The following SHANK2 variants were observed in gnomAD, a reference collection of about 807,000 sequenced individuals.
SHANK2 encodes SH3 and multiple ankyrin repeat domains 2.
Under a neutral mutation model 133.7 loss-of-function variants are expected in SHANK2, and 43 were observed. The observed-to-expected ratio is 0.32, with a 90% CI of 0.25 to 0.41. The LOEUF (loss-of-function observed/expected upper bound fraction) is 0.41. Ranked by LOEUF, SHANK2 falls within the 10% of genes least tolerant of loss-of-function variation. SHANK2 has a pLI of 1.00. For synonymous variants in SHANK2, 1,017 were observed against 952.8 expected (o/e 1.07, Z -1.24); for missense variants, 1,994 against 2,235.8 (o/e 0.89, Z 2.18).
chr11:70,734,679 G>A (rs797033555), intron 14 of SHANK2, among the ~76,000 whole-genome samples: 20 of 152,348 alleles, frequency 1.3e-4, no homozygotes, highest in African/African-American at 4.6e-4. Context: ...TTTCAGCAGG[G>A]GCCCCACAGC....
Position 70,485,250 on chromosome 11 carries a change from CT to C in SHANK2, c.4979+63del, listed in dbSNP as rs2058784226. On this transcript the variant is annotated intron_variant, in intron 25 of 25. Coordinates refer to ENST00000601538, the MANE Select transcript of SHANK2 (RefSeq NM_012309.5). The surrounding 1 kb of genome is among the most constrained non-coding windows in gnomAD (Gnocchi z 5.8). ...TCCGCTGGGGCTGCTACCCGAGGGC[CT>C]TTCCTGGTCAGCAGGGACAGTGCAC... The C allele has an allele frequency of 6.9e-7, 1 of 1,451,114 alleles. No individual in the cohort carries two copies. The highest frequency in any genetic ancestry group is 1.4e-5 in the African/African-American group (1 of 71,776). 89.9% of individuals were successfully genotyped at this position (1,451,114 alleles called of 1,614,324 possible).
intron 1 of SHANK2, among the ~76,000 whole-genome samples, chr11:71,236,470 T>C (rs1954827246): frequency 6.6e-6 from 1 of 152,018 alleles, no homozygotes; most frequent in Non-Finnish European, 1.5e-5. Context: ...AAATTAGCCA[T>C]GTGTGGTGGC....
chr11:70,674,043 TGA>T (rs1944863409), intron 15 of SHANK2, among the ~76,000 whole-genome samples: 1 of 152,196 alleles, frequency 6.6e-6, no homozygotes, highest in South Asian at 2.1e-4. Context: ...CTCCCGGGGC[TGA>T]GAGAGTTCTT....
intron 11 of SHANK2, chr11:70,873,117 T>C (rs1217542575): frequency 8.5e-6 from 4 of 471,126 alleles, no homozygotes; most frequent in Admixed American, 4.7e-5. Context: ...CTGCAGTTTA[T>C]AGAATGATAT....
intron 14 of SHANK2, among the ~76,000 whole-genome samples, chr11:70,720,636 C>A (rs563024513): frequency 6.6e-6 from 1 of 152,334 alleles, no homozygotes; most frequent in Admixed American, 6.5e-5. Flanking sequence ...CTGTTCTTGG[C>A]CCAACACCAG....
intron 17 of SHANK2, among the ~76,000 whole-genome samples, chr11:70,539,436 G>A (rs1025060011): frequency 1.3e-5 from 2 of 151,680 alleles, no homozygotes; most frequent in South Asian, 4.2e-4. Context: ...ATCTGCGGGG[G>A]AAAGGTGCTG....
rs138743900 is a variant in SHANK2, at chr11:70,824,694, G to A, written c.1175-4012C>T. Among the ~76,000 whole-genome samples the A allele has an allele frequency of 2.9e-4, 44 of 152,190 alleles. No homozygotes were observed. In the East Asian group the frequency reaches 5.6e-3, roughly 19 times the overall value. ...CATGTTGGTGCCCTCCCTCTGGACC[G>A]GCAGAGACTAAAAAAAACCTTGTAG... On this transcript the variant is annotated intron_variant, in intron 11 of 25. Transcript: ENST00000601538.
At chr11:70,494,800 G>A (rs1460808724) in intron 21 of SHANK2, among the ~76,000 whole-genome samples, 1 of 152,112 alleles carries the variant, frequency 6.6e-6, no homozygotes. Flanking sequence ...ATAGTGTCCG[G>A]GCAGCCAAAT....
chr11:70,493,251 T>G (rs1176222386), intron 21 of SHANK2, among the ~76,000 whole-genome samples: 4 of 150,574 alleles, frequency 2.7e-5, no homozygotes, highest in Non-Finnish European at 5.9e-5. Flanking sequence ...CATGAGGATC[T>G]GCCACCCAAG....
At chr11:70,943,602 C>T (rs1027826611) in intron 10 of SHANK2, among the ~76,000 whole-genome samples, 1 of 152,138 alleles carries the variant, frequency 6.6e-6, no homozygotes, top group Admixed American at 6.5e-5. Context: ...AGGAGAAGAG[C>T]CTGGGCCAGA....
chr11:71,210,496 C>T (rs1178607972), intron 2 of SHANK2, among the ~76,000 whole-genome samples: 1 of 151,734 alleles, frequency 6.6e-6, no homozygotes, highest in African/African-American at 2.4e-5. Context: ...GCGATCCACC[C>T]ACCTCGGCCT....
chr11:70,489,806 A>G (rs1467621781), intron 23 of SHANK2: 2 of 276,208 alleles, frequency 7.2e-6, no homozygotes, highest in Non-Finnish European at 1.4e-5. Flanking sequence ...GTTTTCTGCA[A>G]CACACAGTAC....
In SHANK2 at chr11:70,576,286, C is replaced by T. The variant is rs549652721; in HGVS notation, c.2062-73355G>A. ...GAGCCCTCCTGCGAGGGACAGCAAG[C>T]GGCTGCGGCAGACCCCATGCACCTC... On this transcript the variant is annotated intron_variant, in intron 17 of 25. Transcript: ENST00000601538. Among the ~76,000 whole-genome samples the T allele has an allele frequency of 7.2e-5, 11 of 152,198 alleles. No homozygotes were observed. In the South Asian group the frequency reaches 1.2e-3, roughly 17 times the overall value.
chr11:71,095,616 C>T (rs112615308), intron 6 of SHANK2, among the ~76,000 whole-genome samples: 1,718 of 152,344 alleles, frequency 0.011, 12 homozygotes, highest in Non-Finnish European at 0.019. Context: ...TTTCACAAGG[C>T]GTGTGTCTTG....
At chr11:70,637,137 G>C (rs1347702692) in intron 17 of SHANK2, among the ~76,000 whole-genome samples, 6 of 152,132 alleles carry the variant, frequency 3.9e-5, no homozygotes, top group Non-Finnish European at 7.4e-5. Context: ...GCCTGTGTGT[G>C]CATGTGTGTG....
At chr11:71,063,137 C>T (rs1387553216) in intron 9 of SHANK2, among the ~76,000 whole-genome samples, 1 of 151,968 alleles carries the variant, frequency 6.6e-6, no homozygotes, top group Non-Finnish European at 1.5e-5. Context: ...AAATAAAATT[C>T]CCTATTATAA....
intron 10 of SHANK2, among the ~76,000 whole-genome samples, chr11:70,903,972 C>T (rs1950061822): frequency 6.6e-6 from 1 of 152,138 alleles, no homozygotes; most frequent in Non-Finnish European, 1.5e-5. Context: ...AGGAGCAGCA[C>T]CCCAAATTCC....
chr11:71,239,245 G>A (rs1954859774), intron 1 of SHANK2, among the ~76,000 whole-genome samples: 1 of 152,218 alleles, frequency 6.6e-6, no homozygotes, highest in Non-Finnish European at 1.5e-5. Context: ...CTGGAGCTCA[G>A]TTTCCCCTTC....
chr11:70,836,797 C>T (rs1385843211), intron 11 of SHANK2, among the ~76,000 whole-genome samples: 2 of 152,268 alleles, frequency 1.3e-5, no homozygotes, highest in African/African-American at 4.8e-5. Flanking sequence ...GTCACCAAGT[C>T]CTGTGGCCTG....
Sources: gnomAD v4.1 joint callset for allele counts (sites outside exome capture counted in the v4.1 genomes callset) on GRCh38, gnomAD v4.1.1 for gene constraint, Gnocchi (gnomAD v3.1) non-coding constraint, MANE v1.5 for transcripts, NCBI Gene and HGNC (gene_info 2026-07-23, HGNC 2026-07-21) for gene names.